The following UBE2G2 variants were observed in gnomAD, a reference collection of about 807,000 sequenced individuals.
UBE2G2 encodes the protein ubiquitin conjugating enzyme E2 G2.
UBE2G2 carries 10 observed loss-of-function variants against 23.0 expected under a neutral mutation model. That is an observed-to-expected ratio of 0.43 (90% CI 0.27 to 0.74). The LOEUF is 0.74. UBE2G2 is among the 30% of genes least tolerant of loss of function. The pLI, the probability that UBE2G2 is intolerant of heterozygous loss-of-function variation, is 0.19. For synonymous variants in UBE2G2, 86 were observed against 81.3 expected (o/e 1.06, Z -0.31); for missense variants, 150 against 218.3 (o/e 0.69, Z 1.97).
In UBE2G2 at chr21:44,781,257, T is replaced by G. The variant is rs150961634; in HGVS notation, c.126-3840A>C. Among the ~76,000 whole-genome samples, 541 of 152,240 alleles carry G rather than the reference T, an allele frequency of 3.6e-3. 2 individuals are homozygous for G. The Middle Eastern group carries it at 0.041, about 11-fold the overall frequency. On this transcript the variant is annotated intron_variant, in intron 3 of 5. Transcript: ENST00000345496. ...AAACTGCTTCATGGGCACCCTCCAC[T>G]CTGGGGGAAGGATAAGCACCTCCCT...
chr21:44,795,492 C>A (rs574781702), intron 1 of UBE2G2, among the ~76,000 whole-genome samples: 1 of 151,860 alleles, frequency 6.6e-6, no homozygotes, highest in Admixed American at 6.6e-5. Context: ...ATTAGCTAAG[C>A]GAGGTGGCAT....
chr21:44,795,922 T>C (rs2083085388), intron 1 of UBE2G2, among the ~76,000 whole-genome samples: 1 of 152,130 alleles, frequency 6.6e-6, no homozygotes, highest in Non-Finnish European at 1.5e-5. Flanking sequence ...AGAATTACAC[T>C]ACCTCAAGCA....
Position 44,771,357 on chromosome 21 carries a change from C to T in UBE2G2, c.*20G>A, listed in dbSNP as rs782290771. ...GCTGAGCTGCTTGGCGGTGTGTGCG[C>T]GCCTGTGCGAGGCCAGGTCTCACAG... On this transcript the variant is annotated 3_prime_UTR_variant, in exon 6 of 6. Transcript: ENST00000345496. This position sits in a 1 kb window ranked among gnomAD's most constrained non-coding sequence, Gnocchi z 4.6. 17 of 1,604,488 alleles carry T rather than the reference C, an allele frequency of 1.1e-5. No individual in the cohort carries two copies. The highest frequency in any genetic ancestry group is 1.7e-5 in the Admixed American group (1 of 59,976).
intron 1 of UBE2G2, 90 bp downstream of exon 1, chr21:44,801,616 G>C: frequency 7.1e-7 from 1 of 1,417,268 alleles, no homozygotes; most frequent in Non-Finnish European, 9.2e-7. Context: ...CGGCTCCCCC[G>C]CCAGGCTCCC....
intron 3 of UBE2G2, among the ~76,000 whole-genome samples, chr21:44,779,371 T>TGGGGGGGGGGGGGGGGGGG (rs375243003): frequency 1.3e-5 from 1 of 75,388 alleles, no homozygotes; most frequent in African/African-American, 5.8e-5. Flanking sequence ...GGAGCTGGGG[T>TGGGGGGGGGGGGGGGGGGG]GGGGGGGGGG....
At chr21:44,775,894 T>A (rs1219781810) in intron 4 of UBE2G2, among the ~76,000 whole-genome samples, 3 of 152,228 alleles carry the variant, frequency 2.0e-5, no homozygotes, top group Non-Finnish European at 2.9e-5. Flanking sequence ...ATCATCTAAC[T>A]CAGGCGCATG....
At position 44,768,721 on chromosome 21, in the gene UBE2G2, G is replaced by C. The variant is rs2082846867; in HGVS notation, c.*2656C>G. The C allele has an allele frequency of 6.6e-6, 1 of 152,254 alleles. No individual in the cohort carries two copies. The highest frequency in any genetic ancestry group is 1.5e-5 in the Non-Finnish European group (1 of 68,052). The allele number at this position is 152,254 out of a possible 1,614,324, so 9.4% of individuals were successfully genotyped here. ...TGTGCTTCTAAGCAACTGCAGGAGG[G>C]AAGCGCAGTCGGAACAGCCTGCTGG... On this transcript the variant is annotated 3_prime_UTR_variant, in exon 6 of 6. Coordinates refer to ENST00000345496, the MANE Select transcript of UBE2G2 (RefSeq NM_003343.6).
intron 4 of UBE2G2, among the ~76,000 whole-genome samples, chr21:44,776,516 C>T (rs1327491670): frequency 6.6e-6 from 1 of 152,130 alleles, no homozygotes; most frequent in Non-Finnish European, 1.5e-5. Context: ...TCTTTTAGAT[C>T]ATTTAAAAAA....
intron 3 of UBE2G2, among the ~76,000 whole-genome samples, chr21:44,782,773 C>G (rs1323707214): frequency 1.3e-5 from 2 of 152,206 alleles, no homozygotes; most frequent in Non-Finnish European, 2.9e-5. Context: ...TAACTCCATA[C>G]ATGACACTAA....
At position 44,773,711 on chromosome 21, in the gene UBE2G2, G is replaced by A. The variant is rs201974160; in HGVS notation, c.245-24C>T. The A allele has an allele frequency of 1.8e-4, 296 of 1,608,042 alleles. 2 individuals are homozygous for A. In the African/African-American group the frequency reaches 3.7e-3, roughly 20 times the overall value. The stretch of plus-strand genomic sequence containing the variant: ...GACTGCAAGGGTCAGAGGCAGCCAA[G>A]TGAGCCCAGGAATGGTGCCCGAGGC... On this transcript the variant is annotated intron_variant, in intron 4 of 5. Coordinates refer to ENST00000345496, the MANE Select transcript of UBE2G2 (RefSeq NM_003343.6).
chr21:44,801,622 CT>C, intron 1 of UBE2G2, 83 bp downstream of exon 1: 1 of 1,440,984 alleles, frequency 6.9e-7, no homozygotes, highest in South Asian at 1.4e-5. Context: ...CCCCGCCAGG[CT>C]CCCTGCCCCA....
chr21:44,787,946 G>C lies in UBE2G2; in HGVS notation c.99C>G (p.Asn33Lys). The C allele has an allele frequency of 6.2e-7, 1 of 1,613,920 alleles. No individual in the cohort carries two copies. The highest frequency in any genetic ancestry group is 1.1e-5 in the South Asian group (1 of 91,024). ...TGATCAATGCCTCCCATTCAAAAAA[G>C]TTCTCTTCATTCATGGGGCCTGTAG... ...GIVAGPMNEE[N>K]FFEWEALIMG... The change falls in exon 3 of 6, where the codon AAC becomes AAG. Residue 33 changes from asparagine (N) to lysine (K), a missense_variant. Coordinates refer to ENST00000345496, the MANE Select transcript of UBE2G2 (RefSeq NM_003343.6).
At position 44,772,391 on chromosome 21, in the gene UBE2G2, G is replaced by A. The variant is rs1177193263; in HGVS notation, c.386-902C>T. On this transcript the variant is annotated intron_variant, in intron 5 of 5. Transcript: ENST00000345496. The surrounding 1 kb of genome is among the most constrained non-coding windows in gnomAD (Gnocchi z 5.4). ...AGACCCCACTCCACGGCACCCAAAG[G>A]CTCTGCAGAGAATAGCTGAGTGGCC... 1.3e-5 allele frequency among the ~76,000 whole-genome samples: 2 copies of A among 152,010 alleles called. No individual in the cohort carries two copies. Among genetic ancestry groups the A allele is most frequent in the Non-Finnish European group, 2.9e-5 (2 of 67,992 alleles).
At chr21:44,800,447 T>C (rs1366867371) in intron 1 of UBE2G2, 1 of 152,236 alleles carries the variant, frequency 6.6e-6, no homozygotes, top group African/African-American at 2.4e-5. Context: ...TGTAACTATT[T>C]GTGCAGCACT....
chr21:44,789,741 C>A (rs73232952), intron 1 of UBE2G2, among the ~76,000 whole-genome samples: 1 of 152,240 alleles, frequency 6.6e-6, no homozygotes, highest in Non-Finnish European at 1.5e-5. Flanking sequence ...ACGAATGATG[C>A]TGTGGTCCAA....
intron 1 of UBE2G2, among the ~76,000 whole-genome samples, chr21:44,795,417 G>T (rs2083079440): frequency 6.6e-6 from 1 of 151,942 alleles, no homozygotes; most frequent in Non-Finnish European, 1.5e-5. Flanking sequence ...AGATTGCTTG[G>T]GCCCACGAGT....
intron 5 of UBE2G2, among the ~76,000 whole-genome samples, chr21:44,773,171 A>T (rs1263033247): frequency 6.6e-6 from 1 of 152,088 alleles, no homozygotes; most frequent in Non-Finnish European, 1.5e-5. Flanking sequence ...ACTGGCCTCT[A>T]ACTGCTGGTA....
intron 1 of UBE2G2, among the ~76,000 whole-genome samples, chr21:44,792,532 G>A (rs1356186807): frequency 2.0e-5 from 3 of 152,130 alleles, no homozygotes; most frequent in Non-Finnish European, 4.4e-5. Flanking sequence ...CTTGAGAAGA[G>A]GTCTGTTTCC....
intron 3 of UBE2G2, chr21:44,779,109 C>A: frequency 3.7e-6 from 1 of 268,666 alleles, no homozygotes; most frequent in Non-Finnish European, 7.8e-6. Flanking sequence ...AGACAAAAAT[C>A]AAAAAGAAAC....
Sources: gnomAD v4.1 joint callset for allele counts (sites outside exome capture counted in the v4.1 genomes callset) on GRCh38, gnomAD v4.1.1 for gene constraint, Gnocchi (gnomAD v3.1) non-coding constraint, MANE v1.5 for transcripts, NCBI Gene and HGNC (gene_info 2026-07-23, HGNC 2026-07-21) for gene names.